The following ABCB10 variants were observed in gnomAD, a reference collection of about 807,000 sequenced individuals.
ABCB10 encodes the protein ATP binding cassette subfamily B member 10.
In ABCB10, 54 loss-of-function variants were observed where a neutral mutation model predicts 65.4. The ratio of observed to expected loss-of-function variants is 0.83; its 90% CI spans 0.66 to 1.04. The LOEUF (loss-of-function observed/expected upper bound fraction) is 1.04, where lower values mean the gene tolerates loss of function less well. ABCB10 is among the 50% of genes least tolerant of loss of function. The probability of loss-of-function intolerance (pLI) is 0.00; values close to 1 mark genes in which losing one functional copy is unlikely to be tolerated. For missense variants in ABCB10, 846 were observed against 976.6 expected, an observed-to-expected ratio of 0.87 and a Z score of 1.78; for synonymous variants, 418 against 406.5, an observed-to-expected ratio of 1.03 and a Z score of -0.34.
At chr1:229,529,667 C>CAAAAAA (rs969766089) in intron 8 of ABCB10, among the ~76,000 whole-genome samples, 1 of 23,218 alleles carries the variant, frequency 4.3e-5, no homozygotes, top group African/African-American at 1.8e-4. Context: ...AAGACTGTCT[C>CAAAAAA]AAAAAAAAAA....
At chr1:229,549,482 G>C (rs1469479366) in intron 1 of ABCB10, 48 bp from the exon 2 acceptor site, 2 of 1,552,252 alleles carry the variant, frequency 1.3e-6, no homozygotes, top group Non-Finnish European at 1.8e-6. Flanking sequence ...CAGCAAAGGG[G>C]CTGCGGTGCT....
chr1:229,541,068 A>C (rs1662831950), intron 4 of ABCB10, among the ~76,000 whole-genome samples: 1 of 152,226 alleles, frequency 6.6e-6, no homozygotes, highest in Non-Finnish European at 1.5e-5. Context: ...GCAGAAATGC[A>C]TTTTTATGCA....
rs192851744 is a variant in ABCB10 at position 229,556,160 on chromosome 1, G to A, written c.517+1976C>T. ...GAAGGCCAAGGTGGGCAGATCACCC[G>A]AGGTCGGGAGTTCGAGACCACCCTG... is the stretch of plus-strand genomic sequence containing the variant. On this transcript the variant is annotated intron_variant, in intron 1 of 12. Transcript: ENST00000344517. Among the ~76,000 whole-genome samples the A allele has an allele frequency of 1.2e-4, 18 of 152,230 alleles. No individual in the cohort carries two copies. In the East Asian group the frequency reaches 1.9e-3, roughly 16 times the overall value.
In ABCB10 at chr1:229,547,570, G is replaced by A. The variant is rs771658428; in HGVS notation, c.850C>T (p.Arg284Cys). Residue 284 changes from arginine to cysteine, a missense_variant, in exon 3 of 13, where the codon CGC (arginine) becomes TGC (cysteine). This residue lies in a region of ABCB10 where 632 missense variants were observed against 803.2 expected (regional missense o/e 0.79). Transcript: ENST00000344517. ...TCTGAGAGGTTTTCAGTCACTGAGC[G>A]CCCCAGGAGTGCAGTGTCTGATGAG... is the stretch of plus-strand genomic sequence containing the variant. ...RLSSDTALLG[R>C]SVTENLSDGL... The A allele has an allele frequency of 6.2e-6, 10 of 1,613,896 alleles. No homozygotes were observed. Among genetic ancestry groups the A allele is most frequent in the South Asian group, 4.4e-5 (4 of 91,078 alleles).
intron 2 of ABCB10, 34 bp downstream of exon 2, chr1:229,549,200 G>A (rs745922389): frequency 1.9e-6 from 3 of 1,611,304 alleles, no homozygotes; most frequent in Non-Finnish European, 2.5e-6. Context: ...TCTTCTTCAG[G>A]ATGACTCACA....
chr1:229,553,175 A>G (rs867963104), intron 1 of ABCB10, among the ~76,000 whole-genome samples: 26 of 151,972 alleles, frequency 1.7e-4, no homozygotes, highest in Non-Finnish European at 4.4e-5. Context: ...CAATGGCGCA[A>G]TCTCAGCTCA....
In ABCB10 at chr1:229,555,601, CAGAT is replaced by C. The variant is rs1248517901; in HGVS notation, c.517+2531_517+2534del. ...AGGCATACCCAGCAAAATGCTGAGA[CAGAT>C]GGAGGTATTATTATTAAAATATAAA... On this transcript the variant is annotated intron_variant, in intron 1 of 12. Transcript: ENST00000344517. 7.2e-5 allele frequency among the ~76,000 whole-genome samples: 11 copies of C among 152,230 alleles called. No individual in the cohort carries two copies. The South Asian group carries it at 1.2e-3, about 17-fold the overall frequency.
chr1:229,558,330 G>C lies in ABCB10; in HGVS notation c.323C>G (p.Pro108Arg). 1 of 1,255,130 alleles carries C rather than the reference G, an allele frequency of 8.0e-7. No individual in the cohort carries two copies. The highest frequency in any genetic ancestry group is 1.0e-6 in the Non-Finnish European group (1 of 991,048). The allele number at this position is 1,255,130 out of a possible 1,614,324, so 77.7% of individuals were successfully genotyped here. ...GSCRCGAFAG[P>R]GAPRLPRARF... ...GGCGCGCGGGAGCCGAGGAGCGCCT[G>C]GCCCGGCAAAAGCCCCGCACCTGCA... The change falls in exon 1 of 13, where the codon CCA becomes CGA. Residue 108 changes from proline (P) to arginine (R), a missense_variant. Physicochemically the swap from Pro to Arg is moderately radical, Grantham distance 103. Around this residue, in one of 2 missense-constraint regions of ABCB10, gnomAD observed 214 missense variants for 173.5 expected, o/e 1.23. Coordinates refer to ENST00000344517, the MANE Select transcript of ABCB10 (RefSeq NM_012089.3).
In ABCB10 at chr1:229,558,360, C is replaced by T; in HGVS notation, c.293G>A (p.Gly98Asp). ...GGCAAAAGCCCCGCACCTGCAGCTGCCGGGGCCGCGAGCCCACAGCCCCAG... is the reference window on the plus strand; with the variant it reads ...GGCAAAAGCCCCGCACCTGCAGCTGTCGGGGCCGCGAGCCCACAGCCCCAG... ...RLLGLWARGP[G>D]SCRCGAFAGP... The change falls in exon 1 of 13, where the codon GGC (glycine) becomes GAC (aspartate). Residue 98 changes from glycine (G) to aspartate (D), a missense_variant. Gly to Asp is a moderately conservative substitution (Grantham distance 94). Coordinates refer to ENST00000344517, the MANE Select transcript of ABCB10 (RefSeq NM_012089.3). 1 of 1,252,620 alleles carries T rather than the reference C, an allele frequency of 8.0e-7. No homozygotes were observed. 77.6% of individuals were successfully genotyped at this position (1,252,620 alleles called of 1,614,324 possible).
chr1:229,518,430 A>G lies in ABCB10; in HGVS notation c.1986-20T>C, dbSNP rs1483661848. ...AGCGCACTGACACAGGAGCACACAC[A>G]CAAGAAAGCAAAGACGTCAGTGACA... On this transcript the variant is annotated intron_variant, in intron 12 of 12. Transcript: ENST00000344517. 1.2e-6 allele frequency: 2 copies of G among 1,605,450 alleles called. No homozygotes were observed. Among genetic ancestry groups the G allele is most frequent in the Non-Finnish European group, 1.7e-6 (2 of 1,172,392 alleles).
At chr1:229,542,873 G>A (rs536511512) in intron 3 of ABCB10, among the ~76,000 whole-genome samples, 1 of 152,202 alleles carries the variant, frequency 6.6e-6, no homozygotes, top group East Asian at 1.9e-4. Flanking sequence ...GCTCACGCCT[G>A]TAATCTCAGT....
chr1:229,547,788 C>A (rs1256676423), intron 2 of ABCB10, 87 bp from the exon 3 acceptor site: 10 of 1,345,504 alleles, frequency 7.4e-6, no homozygotes, highest in Non-Finnish European at 9.5e-6. Context: ...AGCAGCTTGG[C>A]CTGGAGTTGT....
At chr1:229,528,607 T>C (rs1009213164) in intron 8 of ABCB10, among the ~76,000 whole-genome samples, 3 of 152,214 alleles carry the variant, frequency 2.0e-5, no homozygotes, top group African/African-American at 7.2e-5. Context: ...CACATATTTA[T>C]CTGACATGTA....
chr1:229,548,694 G>A (rs1237508149), intron 2 of ABCB10, among the ~76,000 whole-genome samples: 1 of 145,156 alleles, frequency 6.9e-6, no homozygotes, highest in Non-Finnish European at 1.5e-5. Flanking sequence ...ATGGAGTCTC[G>A]CTCTGTCCCC....
intron 9 of ABCB10, 55 bp from the exon 10 acceptor site, chr1:229,526,171 T>A: frequency 6.5e-7 from 1 of 1,529,874 alleles, no homozygotes; most frequent in Non-Finnish European, 8.9e-7. Context: ...AAAACATGTC[T>A]AATAAATTTA....
intron 12 of ABCB10, 150 bp from the exon 13 acceptor site, chr1:229,518,560 C>G (rs551998517): frequency 1.4e-6 from 1 of 702,462 alleles, no homozygotes; most frequent in East Asian, 2.7e-5. Flanking sequence ...TAAAACTATA[C>G]TGTGATGTAA....
At chr1:229,518,495 C>A in intron 12 of ABCB10, 85 bp from the exon 13 acceptor site, 2 of 1,131,726 alleles carry the variant, frequency 1.8e-6, no homozygotes, top group South Asian at 1.4e-5. Flanking sequence ...CCTTCCTGAG[C>A]AATGAATTTT....
At chr1:229,524,752 G>A (rs930378159) in intron 10 of ABCB10, among the ~76,000 whole-genome samples, 4 of 152,140 alleles carry the variant, frequency 2.6e-5, no homozygotes, top group African/African-American at 9.7e-5. Context: ...GTCTATGCAC[G>A]GCCCTCAAGC....
chr1:229,558,554 G>C lies in ABCB10; in HGVS notation c.99C>G (p.Ala33=). 1 of 1,442,290 alleles carries C rather than the reference G, an allele frequency of 6.9e-7. No homozygotes were observed. The highest frequency in any genetic ancestry group is 9.1e-7 in the Non-Finnish European group (1 of 1,099,082). The allele number at this position is 1,442,290 out of a possible 1,614,324, so 89.3% of individuals were successfully genotyped here. The part of the protein sequence containing the change: ...LLPVACVWAA[A]SRVPGSLSPF... ...GCGATAGGGACCCGGGAACGCGGCT[G>C]GCCGCGGCCCACACGCAGGCTACCG... is the stretch of plus-strand genomic sequence containing the variant. The change falls in exon 1 of 13, where the codon GCC becomes GCG. Residue 33 remains alanine (A), a synonymous_variant. Transcript: ENST00000344517.
Sources: allele counts gnomAD v4.1 joint callset (sites outside exome capture counted in the v4.1 genomes callset), GRCh38; gene constraint gnomAD v4.1.1; regional missense constraint gnomAD v4.1.1; transcripts MANE v1.5; gene names NCBI Gene and HGNC (gene_info 2026-07-23, HGNC 2026-07-21).